CHODL: variants seen among roughly 807,000 people sequenced by gnomAD.
CHODL encodes the protein transmembrane protein MT75.
CHODL carries 29 observed loss-of-function variants against 34.5 expected under a neutral mutation model. The ratio of observed to expected loss-of-function variants is 0.84; its 90% CI spans 0.63 to 1.15. The LOEUF (loss-of-function observed/expected upper bound fraction) is 1.15. Among genes scored for constraint, CHODL ranks in the 50% most tolerant of loss-of-function variants. The pLI, the probability that CHODL is intolerant of heterozygous loss-of-function variation, is 0.00. For synonymous variants in CHODL, 125 were observed against 116.1 expected, an observed-to-expected ratio of 1.08 and a Z score of -0.49; for missense variants, 332 against 332.5, an observed-to-expected ratio of 1.00 and a Z score of 0.01.
chr21:18,147,363 G>C (rs902602187), intron 2 of CHODL, among the ~76,000 whole-genome samples: 1 of 152,196 alleles, frequency 6.6e-6, no homozygotes, highest in African/African-American at 2.4e-5. Flanking sequence ...AAGCGCTGGT[G>C]GTCCCCCTGC....
At chr21:18,018,447 G>A (rs985641176) in intron 1 of CHODL, among the ~76,000 whole-genome samples, 14 of 152,112 alleles carry the variant, frequency 9.2e-5, no homozygotes, top group African/African-American at 3.4e-4. Flanking sequence ...CAGTGAGTGA[G>A]TTCTCACAAA....
chr21:18,217,872 A>C lies in CHODL; in HGVS notation c.-44-38637A>C, dbSNP rs894445421. Among the ~76,000 whole-genome samples, 6 of 152,288 alleles carry C rather than the reference A, an allele frequency of 3.9e-5. No individual in the cohort carries two copies. The South Asian group carries it at 6.2e-4, about 16-fold the overall frequency. ...GGGCTACAGACCCCATATAAGTACAAAATTCAGTGGGGCAGTCACATCATA... is the reference window on the plus strand; with the variant it reads ...GGGCTACAGACCCCATATAAGTACACAATTCAGTGGGGCAGTCACATCATA... On this transcript the variant is annotated intron_variant, in intron 2 of 6. Transcript: ENST00000400127.
chr21:17,940,557 G>A (rs1165125163), intron 1 of CHODL, among the ~76,000 whole-genome samples: 2 of 152,192 alleles, frequency 1.3e-5, no homozygotes, highest in African/African-American at 4.8e-5. Context: ...TAACTGGGAG[G>A]AAACATGATG....
intron 2 of CHODL, among the ~76,000 whole-genome samples, chr21:18,123,172 A>T (rs1329740634): frequency 6.6e-6 from 1 of 152,210 alleles, no homozygotes; most frequent in South Asian, 2.1e-4. Flanking sequence ...GCTTCTTCAG[A>T]TGTTCCTATC....
At chr21:18,205,994 A>G (rs1423229421) in intron 2 of CHODL, among the ~76,000 whole-genome samples, 3 of 152,162 alleles carry the variant, frequency 2.0e-5, no homozygotes, top group Non-Finnish European at 4.4e-5. Context: ...CTCTGGTCAG[A>G]TAAGATACTT....
At chr21:18,123,129 T>C (rs1232674853) in intron 2 of CHODL, among the ~76,000 whole-genome samples, 7 of 152,222 alleles carry the variant, frequency 4.6e-5, no homozygotes, top group Non-Finnish European at 1.5e-5. Flanking sequence ...CATGGACTTA[T>C]GCAAAAGAGT....
At chr21:18,091,537 G>C (rs2065073540) in intron 2 of CHODL, among the ~76,000 whole-genome samples, 1 of 152,128 alleles carries the variant, frequency 6.6e-6, no homozygotes, top group African/African-American at 2.4e-5. Context: ...GCCACAGTAG[G>C]ATAGGGCACT....
At chr21:18,200,246 A>G (rs1375375470) in intron 2 of CHODL, among the ~76,000 whole-genome samples, 3 of 152,216 alleles carry the variant, frequency 2.0e-5, no homozygotes, top group Non-Finnish European at 4.4e-5. Flanking sequence ...TGACTCAAAT[A>G]CAAAAAGTAA....
intron 1 of CHODL, among the ~76,000 whole-genome samples, chr21:17,956,312 G>A (rs114611733): frequency 0.01 from 1,358 of 135,534 alleles, 145 homozygotes; most frequent in African/African-American, 0.032. Context: ...GCCATGACAC[G>A]CCTGCTCCAC....
intron 2 of CHODL, among the ~76,000 whole-genome samples, chr21:18,137,885 C>T (rs1018731563): frequency 6.6e-6 from 1 of 151,500 alleles, no homozygotes; most frequent in African/African-American, 2.4e-5. Context: ...ACATGTATAA[C>T]ACATGTATAT....
intron 2 of CHODL, among the ~76,000 whole-genome samples, chr21:18,191,177 A>T (rs543243792): frequency 6.6e-6 from 1 of 152,190 alleles, no homozygotes; most frequent in South Asian, 2.1e-4. Context: ...TAATTTTATT[A>T]TCATTCAAGG....
At chr21:18,105,649 C>G (rs1270257534) in intron 2 of CHODL, among the ~76,000 whole-genome samples, 1 of 152,156 alleles carries the variant, frequency 6.6e-6, no homozygotes, top group Non-Finnish European at 1.5e-5. Flanking sequence ...CCATATCAAT[C>G]ACATTGAATG....
chr21:18,005,484 CAAGCACTTGG>C (rs1017638794), intron 1 of CHODL, among the ~76,000 whole-genome samples: 1 of 152,094 alleles, frequency 6.6e-6, no homozygotes, highest in Non-Finnish European at 1.5e-5. Context: ...AATCAACTCC[CAAGCACTTGG>C]AAGGAATTTC....
At chr21:17,960,120 G>T (rs990203416) in intron 1 of CHODL, among the ~76,000 whole-genome samples, 3 of 152,054 alleles carry the variant, frequency 2.0e-5, no homozygotes, top group African/African-American at 4.8e-5. Flanking sequence ...GATACACTAG[G>T]CTTCTCCATG....
At chr21:18,101,985 A>G (rs1401289691) in intron 2 of CHODL, among the ~76,000 whole-genome samples, 3 of 152,180 alleles carry the variant, frequency 2.0e-5, no homozygotes, top group Non-Finnish European at 4.4e-5. Context: ...ATTAAAGATG[A>G]GTAACTGTTG....
intron 2 of CHODL, among the ~76,000 whole-genome samples, chr21:18,153,532 G>A (rs909378161): frequency 1.3e-5 from 2 of 151,760 alleles, no homozygotes; most frequent in Admixed American, 6.6e-5. Flanking sequence ...TGGCTCTTCT[G>A]CCTTTTTCCC....
chr21:18,235,502 T>C (rs2074020980), intron 2 of CHODL, among the ~76,000 whole-genome samples: 1 of 152,212 alleles, frequency 6.6e-6, no homozygotes, highest in Non-Finnish European at 1.5e-5. Flanking sequence ...ACTCTTTGGA[T>C]TGGCTACAGG....
intron 2 of CHODL, among the ~76,000 whole-genome samples, chr21:18,135,560 T>G (rs1469272150): frequency 6.6e-6 from 1 of 152,108 alleles, no homozygotes; most frequent in African/African-American, 2.4e-5. Context: ...CAATCCCTTC[T>G]CCTATATCAA....
At chr21:18,031,212 G>A (rs1031005775) in intron 2 of CHODL, among the ~76,000 whole-genome samples, 2 of 152,108 alleles carry the variant, frequency 1.3e-5, no homozygotes, top group Admixed American at 1.3e-4. Context: ...AACCAATGCA[G>A]ACCCACTTCC....
Sources: allele counts gnomAD v4.1 joint callset (sites outside exome capture counted in the v4.1 genomes callset), GRCh38; gene constraint gnomAD v4.1.1; transcripts MANE v1.5; gene names NCBI Gene and HGNC (gene_info 2026-07-23, HGNC 2026-07-21).